Variants in DLGAP4 observed in about 807,000 individuals in gnomAD.
DLGAP4 encodes the protein disks large-associated protein 4.
Under a neutral mutation model 86.9 loss-of-function variants are expected in DLGAP4, and 18 were observed. The observed-to-expected ratio is 0.21, with a 90% CI of 0.14 to 0.31. The LOEUF is 0.31. DLGAP4 is among the 10% of genes least tolerant of loss of function. The pLI is 1.00. For missense variants in DLGAP4, 1,085 were observed against 1,362.6 expected (o/e 0.80, Z 3.21); for synonymous variants, 548 against 574.3 (o/e 0.95, Z 0.65).
intron 2 of DLGAP4, among the ~76,000 whole-genome samples, chr20:36,404,886 G>A (rs1287338686): frequency 2.6e-5 from 4 of 152,246 alleles, no homozygotes; most frequent in African/African-American, 9.6e-5. Context: ...TGATCTAGCA[G>A]CCTCTGCACG....
chr20:36,391,640 G>A (rs1349724059), intron 2 of DLGAP4, among the ~76,000 whole-genome samples: 4 of 152,182 alleles, frequency 2.6e-5, no homozygotes, highest in Non-Finnish European at 4.4e-5. Context: ...CCTGACTGGT[G>A]TCTCAGATGA....
chr20:36,371,775 G>A (rs1410468488), intron 2 of DLGAP4, among the ~76,000 whole-genome samples: 3 of 152,058 alleles, frequency 2.0e-5, no homozygotes, highest in Admixed American at 6.5e-5. Flanking sequence ...TTAAAAAGAG[G>A]TTATAAAACA....
At chr20:36,483,593 G>A (rs546091069) in intron 7 of DLGAP4, among the ~76,000 whole-genome samples, 1 of 152,336 alleles carries the variant, frequency 6.6e-6, no homozygotes, top group East Asian at 1.9e-4. Context: ...GACCTGGGGT[G>A]GGGTGAGAGT....
intron 7 of DLGAP4, among the ~76,000 whole-genome samples, chr20:36,482,268 C>T (rs1184597238): frequency 1.3e-5 from 2 of 152,186 alleles, no homozygotes; most frequent in African/African-American, 2.4e-5. Flanking sequence ...GGCCAGCAAT[C>T]GAGGTGCACA....
rs1938411903 is a variant in DLGAP4, at chr20:36,431,348, C to T, written c.-72-298C>T. 6.6e-6 allele frequency among the ~76,000 whole-genome samples: 1 copy of T among 152,090 alleles called. No homozygotes were observed. On this transcript the variant is annotated intron_variant, in intron 2 of 12. Transcript: ENST00000339266. This position sits in a 1 kb window ranked among gnomAD's most constrained non-coding sequence, Gnocchi z 5.1. ...CCCACCCATATTTCATCATGGAATTCAGAGGAGACCCAGAACTCTGAGTCT... is the reference window on the plus strand; with the variant it reads ...CCCACCCATATTTCATCATGGAATTTAGAGGAGACCCAGAACTCTGAGTCT...
intron 7 of DLGAP4, among the ~76,000 whole-genome samples, chr20:36,496,382 C>T (rs1027451254): frequency 2.0e-5 from 3 of 152,178 alleles, no homozygotes; most frequent in Non-Finnish European, 2.9e-5. Context: ...GTCACAGCCT[C>T]GTGGCCCCAC....
intron 7 of DLGAP4, among the ~76,000 whole-genome samples, chr20:36,480,425 A>G (rs1454254363): frequency 6.6e-6 from 1 of 152,142 alleles, no homozygotes; most frequent in East Asian, 1.9e-4. Context: ...AGGGGGGTAA[A>G]AAAGACCAGT....
intron 2 of DLGAP4, among the ~76,000 whole-genome samples, chr20:36,391,192 C>T (rs2031771630): frequency 6.6e-6 from 1 of 152,166 alleles, no homozygotes; most frequent in African/African-American, 2.4e-5. Flanking sequence ...GCTGCAGTGG[C>T]CTGGGGACCT....
intron 7 of DLGAP4, among the ~76,000 whole-genome samples, chr20:36,459,886 C>T (rs753602323): frequency 4.6e-5 from 7 of 152,232 alleles, no homozygotes; most frequent in African/African-American, 7.2e-5. Flanking sequence ...GGATTACAGG[C>T]GTGAGCCACC....
At chr20:36,360,696 T>G (rs1295748636) in intron 1 of DLGAP4, among the ~76,000 whole-genome samples, 1 of 125,368 alleles carries the variant, frequency 8.0e-6, no homozygotes. Context: ...GAAGAGTGGG[T>G]GGGTGGCATG....
At chr20:36,516,622 C>T (rs932821728) in intron 10 of DLGAP4, among the ~76,000 whole-genome samples, 37 of 147,628 alleles carry the variant, frequency 2.5e-4, no homozygotes, top group Non-Finnish European at 3.7e-4. Context: ...GCCCAGATTG[C>T]GCCATTGCAT....
chr20:36,342,657 G>A (rs1382144492), intron 1 of DLGAP4, among the ~76,000 whole-genome samples: 1 of 152,216 alleles, frequency 6.6e-6, no homozygotes, highest in Non-Finnish European at 1.5e-5. Context: ...CTGGGATGGA[G>A]GTAACCTCTG....
At chr20:36,338,005 G>A (rs2147369339) in intron 1 of DLGAP4, among the ~76,000 whole-genome samples, 1 of 152,374 alleles carries the variant, frequency 6.6e-6, no homozygotes, top group East Asian at 1.9e-4. Context: ...GGATTGGGGA[G>A]TCTGGAAGGC....
intron 7 of DLGAP4, among the ~76,000 whole-genome samples, chr20:36,466,222 T>C (rs756678551): frequency 1.4e-4 from 21 of 152,216 alleles, no homozygotes; most frequent in Non-Finnish European, 2.6e-4. Context: ...CTGGTTTGCA[T>C]GACAGCCTAG....
chr20:36,389,390 C>G (rs78800287), intron 2 of DLGAP4, among the ~76,000 whole-genome samples: 3,570 of 152,246 alleles, frequency 0.023, 120 homozygotes, highest in African/African-American at 0.079. Flanking sequence ...ACTTACTTTC[C>G]CTGTGCCTCT....
At chr20:36,379,705 G>A (rs182279358) in intron 2 of DLGAP4, among the ~76,000 whole-genome samples, 2 of 152,220 alleles carry the variant, frequency 1.3e-5, no homozygotes, top group South Asian at 4.1e-4. Context: ...CACAGGCTTC[G>A]GCATTCGGCC....
chr20:36,517,757 A>G (rs962670356), intron 10 of DLGAP4, among the ~76,000 whole-genome samples: 1 of 152,086 alleles, frequency 6.6e-6, no homozygotes, highest in African/African-American at 2.4e-5. Context: ...TTTATGATAT[A>G]TTATTTTAGT....
intron 10 of DLGAP4, among the ~76,000 whole-genome samples, chr20:36,516,992 G>T (rs1048942562): frequency 8.6e-5 from 13 of 151,754 alleles, no homozygotes; most frequent in African/African-American, 2.9e-4. Context: ...GGTGGCTCAC[G>T]CCTGACCTCG....
At position 36,526,835 on chromosome 20, in the gene DLGAP4, C is replaced by T. The variant is rs773235190; in HGVS notation, c.2783C>T (p.Pro928Leu). Reference sequence around the variant, plus strand: ...AAGGAAGAGAAGAAACCACCCCCTCCGGTCCCAAAGAAGCCAGCCAAATCC... The same window carrying T: ...AAGGAAGAGAAGAAACCACCCCCTCTGGTCCCAAAGAAGCCAGCCAAATCC... ...KRKEEKKPPP[P>L]VPKKPAKSKP... Residue 928 changes from proline (P) to leucine (L), a missense_variant, in exon 13 of 13, where the codon CCG becomes CTG. Pro to Leu is a moderately conservative substitution (Grantham distance 98). Transcript: ENST00000339266. 9.9e-6 allele frequency: 16 copies of T among 1,608,904 alleles called. No homozygotes were observed. Among genetic ancestry groups the T allele is most frequent in the African/African-American group, 2.7e-5 (2 of 74,632 alleles).
Sources: allele counts gnomAD v4.1 joint callset (sites outside exome capture counted in the v4.1 genomes callset), GRCh38; gene constraint gnomAD v4.1.1; non-coding constraint Gnocchi (gnomAD v3.1); transcripts MANE v1.5; gene names NCBI Gene and HGNC (gene_info 2026-07-23, HGNC 2026-07-21).